CHIA: variants seen among roughly 807,000 people sequenced by gnomAD.
CHIA encodes the protein chitinase acidic.
In CHIA, 47 loss-of-function variants were observed where a neutral mutation model predicts 53.5. That is an observed-to-expected ratio of 0.88 (90% CI 0.70 to 1.12). The LOEUF (loss-of-function observed/expected upper bound fraction) is 1.12, where lower values mean the gene tolerates loss of function less well. CHIA is among the 50% of genes most tolerant of loss of function. The pLI, the probability that CHIA is intolerant of heterozygous loss-of-function variation, is 0.00. For synonymous variants in CHIA, 268 were observed against 222.2 expected (o/e 1.21, Z -1.83); for missense variants, 652 against 592.2 (o/e 1.10, Z -1.05).
At chr1:111,312,504 T>C in intron 4 of CHIA, 113 bp downstream of exon 4, 1 of 820,632 alleles carries the variant, frequency 1.2e-6, no homozygotes, top group Non-Finnish European at 2.0e-6. Context: ...ACCAAGACTC[T>C]GCATTTCATT....
chr1:111,315,498 T>G, intron 6 of CHIA, 63 bp downstream of exon 6: 1 of 1,550,174 alleles, frequency 6.5e-7, no homozygotes, highest in South Asian at 1.2e-5. Context: ...CCGAGGAGAA[T>G]TGGGTGGCTC....
At chr1:111,302,918 A>G (rs771361214) in intron 1 of CHIA, among the ~76,000 whole-genome samples, 2 of 151,968 alleles carry the variant, frequency 1.3e-5, no homozygotes, top group Non-Finnish European at 2.9e-5. Flanking sequence ...TTTTTGCTTC[A>G]TATATTTTTA....
At chr1:111,320,112 C>A in intron 11 of CHIA, 101 bp from the exon 12 acceptor site, 5 of 1,063,600 alleles carry the variant, frequency 4.7e-6, no homozygotes, top group Non-Finnish European at 7.0e-6. Context: ...CCAACTGCAC[C>A]CCACCTCCAC....
In CHIA at chr1:111,317,485, A is replaced by C. The variant is rs41282502; in HGVS notation, c.481-196A>C. 1.9e-3 allele frequency: 1,073 copies of C among 579,886 alleles called. 2 individuals carry two copies. The highest frequency in any genetic ancestry group is 3.0e-3 in the Middle Eastern group (6 of 2,000). The allele number at this position is 579,886 out of a possible 1,614,324, so 35.9% of individuals were successfully genotyped here. A position where few individuals can be genotyped will look rare whatever the true frequency, so the allele number is the denominator to read the frequency against. On this transcript the variant is annotated intron_variant, in intron 6 of 11. Transcript: ENST00000369740. ...TGGTGAAGTGTCCTAACTCTTATGC[A>C]TATTAGATAGCCAGAAAATTCAATA... is the stretch of plus-strand genomic sequence containing the variant.
At chr1:111,300,491 C>T (rs1394256991) in intron 1 of CHIA, among the ~76,000 whole-genome samples, 2 of 152,208 alleles carry the variant, frequency 1.3e-5, no homozygotes, top group African/African-American at 2.4e-5. Flanking sequence ...AAAGGATTCC[C>T]TATTTAAAAA....
At chr1:111,301,588 G>A (rs914745043) in intron 1 of CHIA, among the ~76,000 whole-genome samples, 1 of 151,648 alleles carries the variant, frequency 6.6e-6, no homozygotes, top group Non-Finnish European at 1.5e-5. Context: ...TATAGTCCCA[G>A]CTACTCGGGA....
chr1:111,317,614 T>G (rs576968150), intron 6 of CHIA, 67 bp from the exon 7 acceptor site: 185 of 1,549,592 alleles, frequency 1.2e-4, no homozygotes, highest in Non-Finnish European at 6.8e-5. Flanking sequence ...GACATATGTT[T>G]ATTAGTATTA....
chr1:111,294,945 G>A (rs1661251267), intron 1 of CHIA, among the ~76,000 whole-genome samples: 2 of 152,112 alleles, frequency 1.3e-5, no homozygotes, highest in Admixed American at 1.3e-4. Flanking sequence ...ATAGTATTTT[G>A]TTGAGGATTT....
intron 1 of CHIA, among the ~76,000 whole-genome samples, chr1:111,304,694 T>C (rs1329300679): frequency 6.6e-6 from 1 of 152,194 alleles, no homozygotes; most frequent in Non-Finnish European, 1.5e-5. Flanking sequence ...AAGACAGTTG[T>C]TCTAAAGTCT....
chr1:111,315,881 T>C (rs1188409686), intron 6 of CHIA: 1 of 441,550 alleles, frequency 2.3e-6, no homozygotes, highest in Non-Finnish European at 4.5e-6. Context: ...GAGTACATAT[T>C]CTGTGGCAGA....
chr1:111,314,723 G>A (rs1649004099), intron 5 of CHIA, 127 bp downstream of exon 5: 1 of 614,742 alleles, frequency 1.6e-6, no homozygotes, highest in Non-Finnish European at 2.9e-6. Context: ...ACAAATATAT[G>A]AATTAAATAT....
At chr1:111,294,154 G>A (rs1661200896) in intron 1 of CHIA, among the ~76,000 whole-genome samples, 1 of 152,100 alleles carries the variant, frequency 6.6e-6, no homozygotes, top group African/African-American at 2.4e-5. Flanking sequence ...ACATCATTTG[G>A]GTAGTATAGA....
At position 111,319,171 on chromosome 1, in the gene CHIA, G is replaced by A; in HGVS notation, c.967G>A (p.Glu323Lys). 1 of 1,614,186 alleles carries A rather than the reference G, an allele frequency of 6.2e-7. No homozygotes were observed. The highest frequency in any genetic ancestry group is 8.5e-7 in the Non-Finnish European group (1 of 1,180,036). The change falls in exon 10 of 12, where the codon GAA becomes AAA. Residue 323 changes from glutamate (E) to lysine (K), a missense_variant. Glu to Lys is a moderately conservative substitution (Grantham distance 56). Transcript: ENST00000369740. ...CACTCAGGGATGGGATGCCCCTCAG[G>A]AAGTGCCTTATGCCTATCAGGGCAA... ...GATQGWDAPQ[E>K]VPYAYQGNVW... is the part of the protein sequence containing the mutation.
Position 111,319,448 on chromosome 1 carries a change from C to T in CHIA, c.1157C>T (p.Ala386Val), listed in dbSNP as rs748471594. The change falls in exon 11 of 12, where the codon GCC becomes GTC. Residue 386 changes from alanine to valine, a missense_variant. Coordinates refer to ENST00000369740, the MANE Select transcript of CHIA (RefSeq NM_201653.4). ...KFPLISTLKK[A>V]LGLQSASCTA... ...CCCCTAATCTCCACCCTGAAGAAGG[C>T]CCTCGGCCTGCAGAGTGCAAGTAAG... 6.2e-7 allele frequency: 1 copy of T among 1,614,006 alleles called. No individual in the cohort carries two copies. The highest frequency in any genetic ancestry group is 8.5e-7 in the Non-Finnish European group (1 of 1,179,988).
intron 1 of CHIA, 32 bp from the exon 2 acceptor site, chr1:111,310,368 T>C: frequency 1.9e-6 from 3 of 1,593,536 alleles, no homozygotes; most frequent in African/African-American, 1.4e-5. Context: ...ATTAACTACA[T>C]ACACATCTGG....
intron 6 of CHIA, chr1:111,317,402 T>A: frequency 3.0e-6 from 1 of 333,758 alleles, no homozygotes; most frequent in Admixed American, 3.9e-5. Flanking sequence ...GGAGCCCTGA[T>A]GGTCATCTGG....
intron 9 of CHIA, 103 bp from the exon 10 acceptor site, chr1:111,319,017 G>C: frequency 6.9e-7 from 1 of 1,445,772 alleles, no homozygotes; most frequent in Non-Finnish European, 9.2e-7. Flanking sequence ...ACTAGAAATT[G>C]AGCAAAACCC....
Position 111,320,444 on chromosome 1 carries a change from G to A in CHIA, c.1409G>A (p.Cys470Tyr). Residue 470 changes from cysteine (C) to tyrosine (Y), a missense_variant, in exon 12 of 12, where the codon TGT becomes TAT. Cys to Tyr is a radical substitution (Grantham distance 194). Transcript: ENST00000369740. ...GCCGGGCTTGTCTTCGACACCAGCTGTGATTGCTGCAACTGGGCATAAACC... is the reference window on the plus strand; with the variant it reads ...GCCGGGCTTGTCTTCGACACCAGCTATGATTGCTGCAACTGGGCATAAACC... ...CQAGLVFDTS[C>Y]DCCNWA 6.2e-7 allele frequency: 1 copy of A among 1,614,110 alleles called. No homozygotes were observed. The highest frequency in any genetic ancestry group is 8.5e-7 in the Non-Finnish European group (1 of 1,179,946).
At chr1:111,307,888 C>A (rs1376638357) in intron 1 of CHIA, among the ~76,000 whole-genome samples, 1 of 152,086 alleles carries the variant, frequency 6.6e-6, no homozygotes. Flanking sequence ...GTGATCCACC[C>A]GCCTTGGCCT....
Sources: allele counts gnomAD v4.1 joint callset (sites outside exome capture counted in the v4.1 genomes callset), GRCh38; gene constraint gnomAD v4.1.1; transcripts MANE v1.5; gene names NCBI Gene and HGNC (gene_info 2026-07-23, HGNC 2026-07-21).